The following MYOF variants were observed in gnomAD, a reference collection of about 807,000 sequenced individuals.
The protein encoded by MYOF is myoferlin.
In MYOF, 244 loss-of-function variants were observed where a neutral mutation model predicts 284.2. The ratio of observed to expected loss-of-function variants is 0.86; its 90% CI spans 0.77 to 0.95. The LOEUF is 0.95. MYOF is among the 40% of genes least tolerant of loss of function. MYOF has a pLI of 0.00. For missense variants in MYOF, 2,496 were observed against 2,560.6 expected (o/e 0.97, Z 0.54); for synonymous variants, 904 against 919.7 (o/e 0.98, Z 0.31).
chr10:93,341,945 G>A (rs964233170), intron 38 of MYOF: 4 of 1,289,712 alleles, frequency 3.1e-6, no homozygotes, highest in Non-Finnish European at 4.0e-6. Flanking sequence ...ATTTTGCTGA[G>A]TGCTGTTGAC....
At chr10:93,325,062 G>A (rs186312652) in intron 46 of MYOF, among the ~76,000 whole-genome samples, 1 of 152,274 alleles carries the variant, frequency 6.6e-6, no homozygotes, top group East Asian at 1.9e-4. Flanking sequence ...ATAGGCATAA[G>A]CCACCGCACC....
intron 5 of MYOF, among the ~76,000 whole-genome samples, chr10:93,420,434 T>A (rs1320392867): frequency 6.6e-6 from 1 of 152,128 alleles, no homozygotes; most frequent in Admixed American, 6.5e-5. Context: ...GAAAAGAACA[T>A]CTTTGACAAC....
At chr10:93,365,748 T>A (rs1845295696) in intron 26 of MYOF, among the ~76,000 whole-genome samples, 2 of 152,200 alleles carry the variant, frequency 1.3e-5, no homozygotes, top group African/African-American at 4.8e-5. Flanking sequence ...TTATGGGCTA[T>A]CTTCTCAAAG....
At chr10:93,424,416 G>T (rs1195628717) in intron 5 of MYOF, among the ~76,000 whole-genome samples, 1 of 152,174 alleles carries the variant, frequency 6.6e-6, no homozygotes, top group Non-Finnish European at 1.5e-5. Flanking sequence ...TGGTGTTACT[G>T]GTGCTGGCCT....
At chr10:93,472,762 C>T (rs937055822) in intron 1 of MYOF, among the ~76,000 whole-genome samples, 4 of 152,242 alleles carry the variant, frequency 2.6e-5, no homozygotes, top group Admixed American at 6.5e-5. Context: ...GCAATGCCTT[C>T]AAGCTGTTTG....
chr10:93,465,333 C>T (rs1332358529), intron 1 of MYOF, among the ~76,000 whole-genome samples: 1 of 152,146 alleles, frequency 6.6e-6, no homozygotes, highest in Non-Finnish European at 1.5e-5. Flanking sequence ...ACAACGCTTA[C>T]TACATAGTAA....
intron 53 of MYOF, among the ~76,000 whole-genome samples, chr10:93,307,407 T>C (rs533348842): frequency 6.6e-6 from 1 of 151,738 alleles, no homozygotes; most frequent in East Asian, 2.0e-4. Flanking sequence ...GCCATGCCAT[T>C]CTCCTGCCTC....
intron 44 of MYOF, 107 bp from the exon 45 acceptor site, chr10:93,329,018 C>T: frequency 9.0e-7 from 1 of 1,112,348 alleles, no homozygotes; most frequent in Non-Finnish European, 1.2e-6. Flanking sequence ...ATAGTGGGTG[C>T]AGAAAATCTG....
At position 93,325,930 on chromosome 10, in the gene MYOF, G is replaced by A. The variant is rs774123578; in HGVS notation, c.5167C>T (p.Pro1723Ser). The stretch of plus-strand genomic sequence containing the variant: ...ATGTGAAGAGCAAGCCGCTCTTCAG[G>A]GGCCCCGAGGTGCTGGTGCAGGATT... ...NKILHQHLGA[P>S]EERLALHILR... The change falls in exon 46 of 54, where the codon CCT (proline) becomes TCT (serine). Residue 1723 changes from proline (P) to serine (S), a missense_variant. Pro to Ser is a moderately conservative substitution (Grantham distance 74). Coordinates refer to ENST00000359263, the MANE Select transcript of MYOF (RefSeq NM_013451.4). 1.2e-5 allele frequency: 19 copies of A among 1,614,028 alleles called. No individual in the cohort carries two copies. The highest frequency in any genetic ancestry group is 1.6e-4 in the Middle Eastern group (1 of 6,062).
intron 1 of MYOF, among the ~76,000 whole-genome samples, chr10:93,480,459 T>A: frequency 6.9e-6 from 1 of 145,620 alleles, no homozygotes; most frequent in Non-Finnish European, 1.5e-5. Context: ...CAACCAACAA[T>A]TTGCCAGCTT....
At position 93,360,045 on chromosome 10, in the gene MYOF, A is replaced by T. The variant is rs189068979; in HGVS notation, c.2975-67T>A. 56 of 1,587,244 alleles carry T rather than the reference A, an allele frequency of 3.5e-5. No individual in the cohort carries two copies. In the East Asian group the frequency reaches 1.2e-3, roughly 34 times the overall value. ...TTGCCAGATCACCAAATAAACCTCGAGGAAACATTTGTTCACTCTCCCTGC... is the reference window on the plus strand; with the variant it reads ...TTGCCAGATCACCAAATAAACCTCGTGGAAACATTTGTTCACTCTCCCTGC... On this transcript the variant is annotated intron_variant, in intron 28 of 53. Coordinates refer to ENST00000359263, the MANE Select transcript of MYOF (RefSeq NM_013451.4).
intron 17 of MYOF, among the ~76,000 whole-genome samples, chr10:93,390,547 A>G (rs1308238867): frequency 6.6e-6 from 1 of 152,224 alleles, no homozygotes; most frequent in Non-Finnish European, 1.5e-5. Context: ...TCTCTGAATC[A>G]TGTTATCATC....
chr10:93,397,125 G>T, intron 15 of MYOF, 122 bp downstream of exon 15: 3 of 744,806 alleles, frequency 4.0e-6, no homozygotes, highest in Non-Finnish European at 6.0e-6. Context: ...AGTTCCAGGA[G>T]CAATTTATCC....
At chr10:93,424,929 AT>A (rs11376911) in intron 5 of MYOF, among the ~76,000 whole-genome samples, 1,411 of 77,704 alleles carry the variant, frequency 0.018, 12 homozygotes, top group African/African-American at 0.063. Context: ...GGAGAATTCC[AT>A]TTTTTTTTTT....
intron 19 of MYOF, among the ~76,000 whole-genome samples, chr10:93,383,120 C>T (rs1438989184): frequency 6.6e-6 from 1 of 152,138 alleles, no homozygotes; most frequent in Non-Finnish European, 1.5e-5. Flanking sequence ...TGGTCTCTAA[C>T]TCCTGACCTC....
At chr10:93,397,531 G>T in intron 13 of MYOF, 75 bp from the exon 14 acceptor site, 1 of 1,065,146 alleles carries the variant, frequency 9.4e-7, no homozygotes, top group Non-Finnish European at 1.4e-6. Flanking sequence ...ATGCATACTA[G>T]ATTATGACTT....
chr10:93,354,017 T>A, intron 31 of MYOF, 129 bp from the exon 32 acceptor site: 1 of 652,360 alleles, frequency 1.5e-6, no homozygotes, highest in Non-Finnish European at 2.6e-6. Context: ...TTCCCCACAG[T>A]AAAGAGCACA....
At chr10:93,350,003 C>G in intron 35 of MYOF, 34 bp from the exon 36 acceptor site, 1 of 1,586,956 alleles carries the variant, frequency 6.3e-7, no homozygotes, top group East Asian at 2.2e-5. Context: ...GGGAAGGTAA[C>G]TCAGCACTTT....
At chr10:93,476,245 C>CTTT (rs67108011) in intron 1 of MYOF, among the ~76,000 whole-genome samples, 1,065 of 65,022 alleles carry the variant, frequency 0.016, 92 homozygotes, top group Non-Finnish European at 0.021. Flanking sequence ...CTTCCCCATT[C>CTTT]TTTTTTTTTT....
Sources: allele counts gnomAD v4.1 joint callset (sites outside exome capture counted in the v4.1 genomes callset), GRCh38; gene constraint gnomAD v4.1.1; transcripts MANE v1.5; gene names NCBI Gene and HGNC (gene_info 2026-07-23, HGNC 2026-07-21).